The following SLC7A6 variants were observed in gnomAD, a reference collection of about 807,000 sequenced individuals.
SLC7A6 encodes the protein Y+L amino acid transporter 2.
A neutral mutation model predicts 46.6 loss-of-function variants in SLC7A6; 29 were observed. The observed-to-expected ratio is 0.62, with a 90% confidence interval of 0.46 to 0.85. The LOEUF (loss-of-function observed/expected upper bound fraction) is 0.85. Among genes scored for constraint, SLC7A6 ranks in the 40% least tolerant of loss-of-function variants. SLC7A6 has a pLI of 0.00. For synonymous variants in SLC7A6, 276 were observed against 257.3 expected, an observed-to-expected ratio of 1.07 and a Z score of -0.70; for missense variants, 527 against 647.6, an observed-to-expected ratio of 0.81 and a Z score of 2.02.
At chr16:68,287,073 G>A (rs912411474) in intron 3 of SLC7A6, among the ~76,000 whole-genome samples, 2 of 151,236 alleles carry the variant, frequency 1.3e-5, no homozygotes, top group Admixed American at 1.3e-4. Flanking sequence ...AACCTCCTAG[G>A]CTCAAGCGAC....
In SLC7A6 at chr16:68,271,319, T is replaced by C. The variant is rs190395039; in HGVS notation, c.-36-3372T>C. ...CATTTTATTTGTGCTTTTTGTTGTTTGTTTTTTGAGACAGGGTCTCTGTCA... is the reference window on the plus strand; with the variant it reads ...CATTTTATTTGTGCTTTTTGTTGTTCGTTTTTTGAGACAGGGTCTCTGTCA... On this transcript the variant is annotated intron_variant, in intron 2 of 10. Coordinates refer to ENST00000219343, the MANE Select transcript of SLC7A6 (RefSeq NM_003983.6). Among the ~76,000 whole-genome samples, 164 of 152,324 alleles carry C rather than the reference T, an allele frequency of 1.1e-3. 2 individuals carry two copies. Among genetic ancestry groups the C allele is most frequent in the African/African-American group, 3.3e-3 (138 of 41,564 alleles).
chr16:68,267,434 C>T lies in SLC7A6; in HGVS notation c.-37+713C>T, dbSNP rs532374457. Among the ~76,000 whole-genome samples, 7 of 151,958 alleles carry T rather than the reference C, an allele frequency of 4.6e-5. No individual in the cohort carries two copies. In the East Asian group the frequency reaches 1.2e-3, roughly 25 times the overall value. ...TTCACTATGTTGGCCAGGCTGGTCCCGAACTCCTGACCTCAGGCGATCCAC... is the reference window on the plus strand; with the variant it reads ...TTCACTATGTTGGCCAGGCTGGTCCTGAACTCCTGACCTCAGGCGATCCAC... On this transcript the variant is annotated intron_variant, in intron 2 of 10. Transcript: ENST00000219343.
chr16:68,278,349 A>T (rs2042757401), intron 3 of SLC7A6, among the ~76,000 whole-genome samples: 1 of 149,838 alleles, frequency 6.7e-6, no homozygotes, highest in Non-Finnish European at 1.5e-5. Flanking sequence ...TGTTTCTCGC[A>T]GAGGGGGATT....
At chr16:68,274,647 C>T in intron 2 of SLC7A6, 44 bp from the exon 3 acceptor site, 3 of 1,537,226 alleles carry the variant, frequency 2.0e-6, no homozygotes, top group Non-Finnish European at 1.8e-6. Flanking sequence ...AATAGAGCCT[C>T]ACCAGCTCCT....
chr16:68,274,120 C>T (rs771174427), intron 2 of SLC7A6, among the ~76,000 whole-genome samples: 4 of 152,198 alleles, frequency 2.6e-5, no homozygotes, highest in Non-Finnish European at 4.4e-5. Flanking sequence ...CTAAACCTGT[C>T]TTAGCATCTT....
In SLC7A6 at chr16:68,274,805, G is replaced by C. The variant is rs545192963; in HGVS notation, c.79G>C (p.Asp27His). The change falls in exon 3 of 11, where the codon GAT becomes CAT. Residue 27 changes from aspartate (D) to histidine (H), a missense_variant. Asp to His is a moderately conservative substitution (Grantham distance 81). Transcript: ENST00000219343. ...CACCAGCCAGTCCCAGGTGGAAGAA[G>C]ATGTCAGCTCGCCACCTCAAAGGTC... ...PNTSQSQVEE[D>H]VSSPPQRSSE... 2 of 1,614,226 alleles carry C rather than the reference G, an allele frequency of 1.2e-6. No individual in the cohort carries two copies. The highest frequency in any genetic ancestry group is 2.2e-5 in the South Asian group (2 of 91,086).
intron 7 of SLC7A6, 80 bp downstream of exon 7, chr16:68,291,741 C>A: frequency 3.5e-6 from 4 of 1,155,120 alleles, no homozygotes; most frequent in Non-Finnish European, 5.0e-6. Context: ...CCTTTTTTCC[C>A]TCCTTCTCAT....
intron 3 of SLC7A6, among the ~76,000 whole-genome samples, chr16:68,276,024 C>T (rs1210776718): frequency 6.6e-6 from 1 of 152,210 alleles, no homozygotes. Context: ...GTAGGCTTCA[C>T]TAGACTGTGG....
chr16:68,274,685 T>C lies in SLC7A6; in HGVS notation c.-36-6T>C. On this transcript the variant is annotated splice_polypyrimidine_tract_variant and splice_region_variant and intron_variant, in intron 2 of 10. Coordinates refer to ENST00000219343, the MANE Select transcript of SLC7A6 (RefSeq NM_003983.6). ...CCTAGACTGACATACTTGTATTCTT[T>C]GCCAGGCCACAGCAAACACAGGTGT... 1 of 1,608,018 alleles carries C rather than the reference T, an allele frequency of 6.2e-7. No homozygotes were observed. Among genetic ancestry groups the C allele is most frequent in the Non-Finnish European group, 8.5e-7 (1 of 1,175,830 alleles).
rs1203853528 is a variant in SLC7A6 at position 68,264,774 on chromosome 16, T to G, written c.-166+198T>G. ...GGGGCGCCACGAGGAGAGAGGGACC[T>G]CGAGCGTGAGGGCCGAGTGTGGGAG... On this transcript the variant is annotated intron_variant, in intron 1 of 10. Transcript: ENST00000219343. This position sits in a 1 kb window ranked among gnomAD's most constrained non-coding sequence, Gnocchi z 5.8. 1 of 152,380 alleles carries G rather than the reference T, an allele frequency of 6.6e-6. No individual in the cohort carries two copies. Among genetic ancestry groups the G allele is most frequent in the African/African-American group, 2.4e-5 (1 of 41,392 alleles). The allele number at this position is 152,380 out of a possible 1,614,324, so 9.4% of individuals were successfully genotyped here. A position where few individuals can be genotyped will look rare whatever the true frequency, so the allele number is the denominator to read the frequency against.
In SLC7A6 at chr16:68,298,543, C is replaced by T. The variant is rs2043214251; in HGVS notation, c.*1215C>T. The T allele has an allele frequency of 6.6e-6, 1 of 152,312 alleles. No homozygotes were observed. Among genetic ancestry groups the T allele is most frequent in the Admixed American group, 6.5e-5 (1 of 15,288 alleles). 9.4% of individuals were successfully genotyped at this position (152,312 alleles called of 1,614,324 possible). A position where few individuals can be genotyped will look rare whatever the true frequency, so the allele number is the denominator to read the frequency against. Reference sequence around the variant, plus strand: ...GTGTGGGTCACCGGGACAGTGTACTCCTCTCCTGCCAGCCTCCCCTTCCCC... The same window carrying T: ...GTGTGGGTCACCGGGACAGTGTACTTCTCTCCTGCCAGCCTCCCCTTCCCC... On this transcript the variant is annotated 3_prime_UTR_variant, in exon 11 of 11. Transcript: ENST00000219343.
Position 68,300,925 on chromosome 16 carries a change from T to C in SLC7A6, c.*3597T>C. ...CAGCAGAAGCTTACTGCTAATGAAATGGGAACCTCCCCCTCCCTTGTGGTT... is the reference window on the plus strand; with the variant it reads ...CAGCAGAAGCTTACTGCTAATGAAACGGGAACCTCCCCCTCCCTTGTGGTT... On this transcript the variant is annotated 3_prime_UTR_variant, in exon 11 of 11. Coordinates refer to ENST00000219343, the MANE Select transcript of SLC7A6 (RefSeq NM_003983.6). 1.0e-6 allele frequency: 1 copy of C among 1,002,222 alleles called. No individual in the cohort carries two copies. The highest frequency in any genetic ancestry group is 1.2e-6 in the Non-Finnish European group (1 of 840,956). 62.1% of individuals were successfully genotyped at this position (1,002,222 alleles called of 1,614,324 possible).
intron 10 of SLC7A6, 116 bp downstream of exon 10, chr16:68,296,926 A>C (rs1046512830): frequency 1.8e-6 from 2 of 1,083,618 alleles, no homozygotes; most frequent in South Asian, 1.6e-5. Flanking sequence ...CATGTGACCC[A>C]GCTGTCCACG....
At chr16:68,288,637 C>T (rs2042985028) in intron 4 of SLC7A6, among the ~76,000 whole-genome samples, 1 of 152,154 alleles carries the variant, frequency 6.6e-6, no homozygotes, top group Admixed American at 6.5e-5. Context: ...GGATCACATT[C>T]TGGTTGGTGT....
At chr16:68,294,895 G>T in intron 8 of SLC7A6, 94 bp downstream of exon 8, 1 of 786,400 alleles carries the variant, frequency 1.3e-6, no homozygotes, top group Non-Finnish European at 2.2e-6. Context: ...CCCTGAGAAA[G>T]GCCTTACTCT....
At chr16:68,275,737 G>A (rs1454700691) in intron 3 of SLC7A6, among the ~76,000 whole-genome samples, 2 of 152,122 alleles carry the variant, frequency 1.3e-5, no homozygotes, top group Admixed American at 6.5e-5. Flanking sequence ...TAAAGGATGG[G>A]GATGGGAGAA....
At chr16:68,296,833 A>G (rs1567597200) in intron 10 of SLC7A6, 23 bp downstream of exon 10, 1 of 1,612,156 alleles carries the variant, frequency 6.2e-7, no homozygotes, top group African/African-American at 1.3e-5. Flanking sequence ...GTGCCCCATT[A>G]CTCACTGGCG....
intron 2 of SLC7A6, among the ~76,000 whole-genome samples, chr16:68,268,059 T>C (rs2042565701): frequency 6.6e-6 from 1 of 152,204 alleles, no homozygotes; most frequent in Non-Finnish European, 1.5e-5. Flanking sequence ...TCTGTATCCT[T>C]TGTAATAGCC....
At chr16:68,282,388 G>T (rs1398970006) in intron 3 of SLC7A6, among the ~76,000 whole-genome samples, 2 of 152,048 alleles carry the variant, frequency 1.3e-5, no homozygotes, top group East Asian at 1.9e-4. Context: ...GGGCAACATA[G>T]CAAGAACTCG....
Sources: allele counts gnomAD v4.1 joint callset (sites outside exome capture counted in the v4.1 genomes callset), GRCh38; gene constraint gnomAD v4.1.1; non-coding constraint Gnocchi (gnomAD v3.1); transcripts MANE v1.5; gene names NCBI Gene and HGNC (gene_info 2026-07-23, HGNC 2026-07-21).